Variants in CCDC150 observed in about 807,000 individuals in gnomAD.
CCDC150 encodes coiled-coil domain containing 150.
CCDC150 carries 151 observed loss-of-function variants against 156.5 expected under a neutral mutation model. The observed-to-expected ratio is 0.97, with a 90% CI of 0.85 to 1.10. The LOEUF is 1.10. CCDC150 is among the 50% of genes least tolerant of loss of function. The pLI is 0.00. For missense variants in CCDC150, 1,312 were observed against 1,268.1 expected (o/e 1.03, Z -0.53); for synonymous variants, 452 against 429.4 (o/e 1.05, Z -0.65).
intron 1 of CCDC150, among the ~76,000 whole-genome samples, chr2:196,644,304 C>T (rs1485754508): frequency 2.0e-5 from 3 of 152,094 alleles, no homozygotes; most frequent in Non-Finnish European, 4.4e-5. Flanking sequence ...GGTTTTCTCC[C>T]CATCTTTGGC....
At chr2:196,713,523 C>T (rs1697282591) in intron 17 of CCDC150, 1 of 1,550,392 alleles carries the variant, frequency 6.4e-7, no homozygotes, top group African/African-American at 1.4e-5. Context: ...AACCTGCCTT[C>T]TATGAAAACA....
intron 15 of CCDC150, 39 bp downstream of exon 15, chr2:196,701,219 T>G (rs775419784): frequency 7.7e-7 from 1 of 1,305,042 alleles, no homozygotes; most frequent in Non-Finnish European, 1.1e-6. Context: ...GTTTGAATTT[T>G]AAAAATACCA....
At chr2:196,720,251 CT>C (rs1559274893) in intron 19 of CCDC150, 1 of 318,068 alleles carries the variant, frequency 3.1e-6, no homozygotes, top group Non-Finnish European at 6.4e-6. Flanking sequence ...TTTCTTTTCT[CT>C]TTTTTTACAT....
Position 196,646,345 on chromosome 2 carries a change from A to T in CCDC150, c.17A>T (p.His6Leu). Residue 6 changes from histidine to leucine, a missense_variant, in exon 2 of 28, where the codon CAT (histidine) becomes CTT (leucine). Coordinates refer to ENST00000389175, the MANE Select transcript of CCDC150 (RefSeq NM_001080539.2). ...AGATTGTGACTGTATTCTTAGGTAC[A>T]TATGGAAACTACAGTGTCCAGACCG... MDCKVHMETTVSRPVL... is the reference protein window; with the variant it reads MDCKVLMETTVSRPVL... 6.2e-7 allele frequency: 1 copy of T among 1,613,534 alleles called. No individual in the cohort carries two copies. Among genetic ancestry groups the T allele is most frequent in the South Asian group, 1.1e-5 (1 of 91,062 alleles).
intron 2 of CCDC150, among the ~76,000 whole-genome samples, chr2:196,655,738 T>G (rs1693150235): frequency 6.6e-6 from 1 of 152,100 alleles, no homozygotes; most frequent in Admixed American, 6.6e-5. Context: ...ACTCTTGTAT[T>G]CCTAATCCTT....
intron 13 of CCDC150, among the ~76,000 whole-genome samples, chr2:196,679,499 A>G (rs1200981900): frequency 6.6e-6 from 1 of 152,196 alleles, no homozygotes; most frequent in Non-Finnish European, 1.5e-5. Context: ...AATCTGCTCC[A>G]TTGCCTGGAT....
chr2:196,660,713 C>G (rs1233484567), intron 5 of CCDC150, among the ~76,000 whole-genome samples: 2 of 152,130 alleles, frequency 1.3e-5, no homozygotes, highest in Admixed American at 1.3e-4. Context: ...AGTCCTTTAT[C>G]AAAGATGTGT....
intron 18 of CCDC150, 29 bp downstream of exon 18, chr2:196,718,660 G>A (rs1697689876): frequency 6.2e-7 from 1 of 1,606,796 alleles, no homozygotes; most frequent in East Asian, 2.2e-5. Context: ...CTGACCGTCT[G>A]TCACTGAGAA....
chr2:196,671,427 C>CA (rs1694195275), intron 8 of CCDC150, among the ~76,000 whole-genome samples: 1 of 108,612 alleles, frequency 9.2e-6, no homozygotes, highest in Non-Finnish European at 1.8e-5. Context: ...TTTTCTCTCT[C>CA]TTTTTTTTTT....
rs573931535 is a variant in CCDC150, at chr2:196,671,156, G to A, written c.937-1189G>A. On this transcript the variant is annotated intron_variant, in intron 8 of 27. Coordinates refer to ENST00000389175, the MANE Select transcript of CCDC150 (RefSeq NM_001080539.2). ...ATAATGACATATATCTACCATTATA[G>A]TAGATATGTTTTATAGTATCATTCA... 6.6e-5 allele frequency among the ~76,000 whole-genome samples: 10 copies of A among 152,232 alleles called. 1 individual carries two copies. Among genetic ancestry groups the A allele is most frequent in the African/African-American group, 1.9e-4 (8 of 41,560 alleles).
chr2:196,664,186 C>G (rs1693712699), intron 5 of CCDC150, among the ~76,000 whole-genome samples: 1 of 152,162 alleles, frequency 6.6e-6, no homozygotes, highest in South Asian at 2.1e-4. Flanking sequence ...TCAGTGGACA[C>G]CAGTTGAGTG....
intron 9 of CCDC150, among the ~76,000 whole-genome samples, chr2:196,673,586 A>C (rs1437284691): frequency 6.6e-6 from 1 of 152,030 alleles, no homozygotes; most frequent in Non-Finnish European, 1.5e-5. Flanking sequence ...GTGCTCTTTC[A>C]AAGTTGCTTG....
chr2:196,658,508 C>T (rs551285604), intron 4 of CCDC150, among the ~76,000 whole-genome samples: 1 of 152,138 alleles, frequency 6.6e-6, no homozygotes, highest in African/African-American at 2.4e-5. Flanking sequence ...CCAGATTGAC[C>T]TCTAATTATT....
chr2:196,662,706 A>G (rs1018768912), intron 5 of CCDC150, among the ~76,000 whole-genome samples: 3 of 152,142 alleles, frequency 2.0e-5, no homozygotes, highest in Non-Finnish European at 2.9e-5. Context: ...CAAAGTGTTA[A>G]TAGTTTTCCC....
intron 2 of CCDC150, among the ~76,000 whole-genome samples, chr2:196,650,563 T>G (rs1183564362): frequency 2.0e-5 from 3 of 152,162 alleles, no homozygotes; most frequent in Non-Finnish European, 4.4e-5. Context: ...CTGGCTAATT[T>G]TTGTATTTTC....
chr2:196,641,496 C>T (rs1692229208), intron 1 of CCDC150, among the ~76,000 whole-genome samples: 2 of 152,090 alleles, frequency 1.3e-5, no homozygotes, highest in Admixed American at 6.5e-5. Context: ...CTTTGACCAC[C>T]CTGTTTAAAA....
chr2:196,718,614 G>A lies in CCDC150; in HGVS notation c.1978G>A (p.Asp660Asn), dbSNP rs2125702550. ...GAAAGAAGACCTCGAGGCTGTGGAG[G>A]ACAGGGAAAACAAGAAGGCAAGGAA... ...KLKEDLEAVEDRENKKVGNFQ... is the reference protein window; with the variant it reads ...KLKEDLEAVENRENKKVGNFQ... The change falls in exon 18 of 28, where the codon GAC becomes AAC. Residue 660 changes from aspartate (D) to asparagine (N), a missense_variant. Physicochemically the swap from Asp to Asn is conservative, Grantham distance 23. Coordinates refer to ENST00000389175, the MANE Select transcript of CCDC150 (RefSeq NM_001080539.2). 6.2e-7 allele frequency: 1 copy of A among 1,613,392 alleles called. No individual in the cohort carries two copies. Among genetic ancestry groups the A allele is most frequent in the Non-Finnish European group, 8.5e-7 (1 of 1,179,498 alleles).
chr2:196,704,406 G>C (rs1476842187), intron 15 of CCDC150, among the ~76,000 whole-genome samples: 1 of 151,980 alleles, frequency 6.6e-6, no homozygotes, highest in Non-Finnish European at 1.5e-5. Context: ...TTTTGTACCT[G>C]TCTCCTTATA....
At chr2:196,732,240 ACT>A (rs1559286091) in intron 27 of CCDC150, 88 bp downstream of exon 27, 7 of 1,434,392 alleles carry the variant, frequency 4.9e-6, no homozygotes, top group South Asian at 2.4e-5. Context: ...TCATCTCGAT[ACT>A]CTCTCTTTTA....
Sources: gnomAD v4.1 joint callset for allele counts (sites outside exome capture counted in the v4.1 genomes callset) on GRCh38, gnomAD v4.1.1 for gene constraint, MANE v1.5 for transcripts, NCBI Gene and HGNC (gene_info 2026-07-23, HGNC 2026-07-21) for gene names.